Variants in ATP9A observed in about 807,000 individuals in gnomAD.
ATP9A encodes the protein probable phospholipid-transporting ATPase IIA.
A neutral mutation model predicts 144.1 loss-of-function variants in ATP9A; 52 were observed. The ratio of observed to expected loss-of-function variants is 0.36; its 90% CI spans 0.29 to 0.45. The LOEUF (loss-of-function observed/expected upper bound fraction) is 0.45, where lower values mean the gene tolerates loss of function less well. Among genes scored for constraint, ATP9A ranks in the 20% least tolerant of loss-of-function variants. The pLI, the probability that ATP9A is intolerant of heterozygous loss-of-function variation, is 1.00. For missense variants in ATP9A, 947 were observed against 1,392.7 expected (o/e 0.68, Z 5.09); for synonymous variants, 582 against 557.4 (o/e 1.04, Z -0.62).
At chr20:51,707,874 G>A (rs73911378) in intron 4 of ATP9A, among the ~76,000 whole-genome samples, 4,072 of 151,922 alleles carry the variant, frequency 0.027, 176 homozygotes, top group African/African-American at 0.092. Flanking sequence ...TGTGTGTAGC[G>A]TGTATTTTAG....
chr20:51,650,035 G>A (rs1442979369), intron 14 of ATP9A, among the ~76,000 whole-genome samples: 4 of 152,102 alleles, frequency 2.6e-5, no homozygotes. Flanking sequence ...ATGAAAGTGA[G>A]TAGACAGGGT....
intron 10 of ATP9A, among the ~76,000 whole-genome samples, chr20:51,675,372 A>AG (rs923863357): frequency 3.9e-5 from 6 of 152,130 alleles, no homozygotes; most frequent in African/African-American, 1.4e-4. Flanking sequence ...AAATTGGAGG[A>AG]GGGGTAAGCT....
Position 51,690,415 on chromosome 20 carries a change from A to G in ATP9A, c.723+324T>C, listed in dbSNP as rs544016646. Among the ~76,000 whole-genome samples the G allele has an allele frequency of 3.6e-4, 55 of 152,244 alleles. 1 individual carries two copies. In the South Asian group the frequency reaches 0.01, roughly 28 times the overall value. On this transcript the variant is annotated intron_variant, in intron 8 of 27. Transcript: ENST00000338821. ...AGCCTGGGCAACAGAGCAAGACTCCATCTCAAAAAAAAACAAGAGGACACA... is the reference window on the plus strand; with the variant it reads ...AGCCTGGGCAACAGAGCAAGACTCCGTCTCAAAAAAAAACAAGAGGACACA...
At chr20:51,744,546 C>A (rs1324095783) in intron 1 of ATP9A, among the ~76,000 whole-genome samples, 1 of 152,196 alleles carries the variant, frequency 6.6e-6, no homozygotes, top group Non-Finnish European at 1.5e-5. Flanking sequence ...AGCAGATAGT[C>A]TGCTAACCAG....
chr20:51,689,590 T>G (rs1478702101), intron 8 of ATP9A, among the ~76,000 whole-genome samples: 1 of 150,322 alleles, frequency 6.7e-6, no homozygotes. Context: ...CAGGCTGGAG[T>G]GCAGTGGCGC....
chr20:51,694,367 G>A (rs906151326), intron 6 of ATP9A, among the ~76,000 whole-genome samples: 11 of 152,156 alleles, frequency 7.2e-5, no homozygotes, highest in African/African-American at 2.2e-4. Flanking sequence ...TCTGTAAAAC[G>A]TGGAGAAACG....
chr20:51,698,220 T>C (rs1195551830), intron 4 of ATP9A, among the ~76,000 whole-genome samples: 1 of 152,170 alleles, frequency 6.6e-6, no homozygotes, highest in Non-Finnish European at 1.5e-5. Context: ...GTGAGTTCCA[T>C]TCAACCCAAA....
intron 9 of ATP9A, among the ~76,000 whole-genome samples, chr20:51,688,627 A>T (rs1428451870): frequency 6.6e-6 from 1 of 152,036 alleles, no homozygotes. Context: ...AGAAAAAGAA[A>T]AAGAAAGGCA....
intron 12 of ATP9A, among the ~76,000 whole-genome samples, chr20:51,670,540 G>T (rs2077451652): frequency 6.6e-6 from 1 of 152,128 alleles, no homozygotes; most frequent in Non-Finnish European, 1.5e-5. Context: ...GAACTTTCCT[G>T]GTGGCTCTCC....
intron 1 of ATP9A, among the ~76,000 whole-genome samples, chr20:51,735,929 C>A (rs2426395): frequency 2.0e-5 from 3 of 152,182 alleles, no homozygotes; most frequent in Admixed American, 6.6e-5. Flanking sequence ...ACAGACAAGG[C>A]CCTCCTCCCA....
At chr20:51,697,932 T>C (rs896911158) in intron 4 of ATP9A, among the ~76,000 whole-genome samples, 1 of 152,246 alleles carries the variant, frequency 6.6e-6, no homozygotes, top group African/African-American at 2.4e-5. Context: ...CATGCTTTGA[T>C]TTATAGGATT....
intron 17 of ATP9A, among the ~76,000 whole-genome samples, chr20:51,626,960 G>A (rs1028155687): frequency 5.9e-5 from 9 of 151,798 alleles, no homozygotes; most frequent in Non-Finnish European, 1.2e-4. Context: ...CAGAGGCCGA[G>A]GCAGAAGGAT....
intron 10 of ATP9A, 120 bp downstream of exon 10, chr20:51,676,012 A>G: frequency 1.4e-6 from 1 of 708,678 alleles, no homozygotes; most frequent in Non-Finnish European, 2.4e-6. Flanking sequence ...ATATGCATAA[A>G]AAGATAAAAT....
At chr20:51,647,142 C>T (rs1380613377) in intron 14 of ATP9A, among the ~76,000 whole-genome samples, 1 of 151,924 alleles carries the variant, frequency 6.6e-6, no homozygotes, top group African/African-American at 2.4e-5. Flanking sequence ...ATAGTCACTT[C>T]TTGATCCAAA....
intron 15 of ATP9A, among the ~76,000 whole-genome samples, chr20:51,637,744 T>C (rs1364606049): frequency 2.0e-5 from 3 of 151,404 alleles, no homozygotes; most frequent in African/African-American, 7.3e-5. Context: ...ACACATGGTG[T>C]TTGGTTATAT....
chr20:51,642,717 C>A (rs2077324834), intron 14 of ATP9A, among the ~76,000 whole-genome samples: 2 of 80,890 alleles, frequency 2.5e-5, no homozygotes, highest in South Asian at 6.0e-4. Flanking sequence ...CTGAGTGAGA[C>A]TCTGTCTCCA....
At chr20:51,648,859 A>T (rs987494717) in intron 14 of ATP9A, among the ~76,000 whole-genome samples, 2 of 152,220 alleles carry the variant, frequency 1.3e-5, no homozygotes, top group Non-Finnish European at 2.9e-5. Flanking sequence ...ACATTAAAAA[A>T]GAAAGAAATT....
chr20:51,696,638 C>A (rs1274452047), intron 5 of ATP9A, among the ~76,000 whole-genome samples: 1 of 151,988 alleles, frequency 6.6e-6, no homozygotes, highest in Non-Finnish European at 1.5e-5. Flanking sequence ...AGCCAGTAGC[C>A]CCCATTTAAT....
intron 4 of ATP9A, among the ~76,000 whole-genome samples, chr20:51,711,599 C>T (rs2077638740): frequency 6.6e-6 from 1 of 152,162 alleles, no homozygotes; most frequent in Admixed American, 6.6e-5. Context: ...AGGGGACAAT[C>T]GAATAGACTT....
Sources: allele counts gnomAD v4.1 joint callset (sites outside exome capture counted in the v4.1 genomes callset), GRCh38; gene constraint gnomAD v4.1.1; transcripts MANE v1.5; gene names NCBI Gene and HGNC (gene_info 2026-07-23, HGNC 2026-07-21).